WARS2: variants seen among roughly 807,000 people sequenced by gnomAD.
WARS2 encodes the protein tryptophan--tRNA ligase, mitochondrial.
A neutral mutation model predicts 36.5 loss-of-function variants in WARS2; 28 were observed. The observed-to-expected ratio is 0.77, with a 90% confidence interval of 0.57 to 1.05. WARS2 has a LOEUF of 1.05. WARS2 is among the 50% of genes least tolerant of loss of function. WARS2 has a pLI of 0.00. For synonymous variants in WARS2, 174 were observed against 178.4 expected, an observed-to-expected ratio of 0.98 and a Z score of 0.20; for missense variants, 435 against 456.8, an observed-to-expected ratio of 0.95 and a Z score of 0.44.
intron 1 of WARS2, among the ~76,000 whole-genome samples, chr1:119,135,752 A>AGATAGATG (rs1456207473): frequency 2.7e-5 from 3 of 112,476 alleles, no homozygotes; most frequent in Non-Finnish European, 3.8e-5. Context: ...ATAGATAGAT[A>AGATAGATG]GAGAGATAGA....
At chr1:119,137,459 T>C (rs1196209588) in intron 1 of WARS2, among the ~76,000 whole-genome samples, 1 of 152,212 alleles carries the variant, frequency 6.6e-6, no homozygotes, top group African/African-American at 2.4e-5. Context: ...TAATGAAACA[T>C]GTTCAACTGC....
In WARS2 at chr1:119,042,279, T is replaced by A. The variant is rs757604003; in HGVS notation, c.500A>T (p.Asp167Val). ...LLTYPVLQAA[D>V]ILLYKSTHVP... ...CTCTTCTTACTTGTACAACAGAATG[T>A]CGGCTGCCTGGAGTACTGGGTATGT... Residue 167 changes from aspartate (D) to valine (V), a missense_variant, in exon 4 of 6, where the codon GAC becomes GTC. Coordinates refer to ENST00000235521, the MANE Select transcript of WARS2 (RefSeq NM_015836.4). 6.2e-7 allele frequency: 1 copy of A among 1,613,912 alleles called. No individual in the cohort carries two copies. Among genetic ancestry groups the A allele is most frequent in the Non-Finnish European group, 8.5e-7 (1 of 1,179,922 alleles).
chr1:119,093,953 G>A (rs1461764187), intron 1 of WARS2, among the ~76,000 whole-genome samples: 1 of 152,170 alleles, frequency 6.6e-6, no homozygotes, highest in Non-Finnish European at 1.5e-5. Context: ...AAAGTATTCT[G>A]CACGGGTTGT....
At chr1:119,113,647 C>T (rs1036694873) in intron 1 of WARS2, among the ~76,000 whole-genome samples, 70 of 152,036 alleles carry the variant, frequency 4.6e-4, no homozygotes, top group African/African-American at 1.6e-3. Flanking sequence ...ATCATGAGGC[C>T]AGGCACTGTT....
intron 1 of WARS2, chr1:119,085,088 A>AC (rs1652522515): frequency 1.3e-6 from 1 of 762,908 alleles, no homozygotes; most frequent in South Asian, 1.4e-5. Flanking sequence ...CTCAGCTCCT[A>AC]CCTCTACTTC....
intron 2 of WARS2, among the ~76,000 whole-genome samples, chr1:119,067,013 T>C (rs751928626): frequency 3.9e-5 from 6 of 152,044 alleles, no homozygotes; most frequent in Non-Finnish European, 8.8e-5. Context: ...GCCAGGAAAA[T>C]GGATAAACTG....
At chr1:119,051,060 T>A (rs937732681) in intron 2 of WARS2, among the ~76,000 whole-genome samples, 2 of 152,170 alleles carry the variant, frequency 1.3e-5, no homozygotes, top group African/African-American at 4.8e-5. Context: ...GGTTCAGGAG[T>A]ACATGTGCAG....
intron 2 of WARS2, among the ~76,000 whole-genome samples, chr1:119,062,655 CG>C (rs1557952604): frequency 6.6e-6 from 1 of 152,002 alleles, no homozygotes; most frequent in African/African-American, 2.4e-5. Flanking sequence ...CATGGGGACC[CG>C]TGTTTCCCAT....
intron 1 of WARS2, among the ~76,000 whole-genome samples, chr1:119,125,273 A>C (rs942676926): frequency 1.3e-5 from 2 of 152,080 alleles, no homozygotes; most frequent in Non-Finnish European, 2.9e-5. Flanking sequence ...CAGGTCTTCC[A>C]TTAAAAGTCA....
At chr1:119,127,571 C>CA (rs1253501973) in intron 1 of WARS2, among the ~76,000 whole-genome samples, 11 of 152,178 alleles carry the variant, frequency 7.2e-5, no homozygotes, top group African/African-American at 2.7e-4. Flanking sequence ...TGCAAGGAGA[C>CA]AAATTGCAGA....
intron 4 of WARS2, among the ~76,000 whole-genome samples, chr1:119,036,406 G>A (rs1647889580): frequency 6.6e-6 from 1 of 152,158 alleles, no homozygotes; most frequent in Non-Finnish European, 1.5e-5. Flanking sequence ...TCTCTGGGAT[G>A]TACATGCAGA....
chr1:119,068,560 C>T (rs1441261392), intron 2 of WARS2, among the ~76,000 whole-genome samples: 1 of 152,154 alleles, frequency 6.6e-6, no homozygotes, highest in African/African-American at 2.4e-5. Context: ...TATCTGGTGG[C>T]CCCAACTGTC....
At chr1:119,048,306 C>T (rs1343093855) in intron 2 of WARS2, among the ~76,000 whole-genome samples, 1 of 152,198 alleles carries the variant, frequency 6.6e-6, no homozygotes, top group Non-Finnish European at 1.5e-5. Flanking sequence ...GATTTAATCT[C>T]TTTGTGTCTC....
chr1:119,117,375 C>T (rs1655040528), intron 1 of WARS2, among the ~76,000 whole-genome samples: 1 of 152,142 alleles, frequency 6.6e-6, no homozygotes, highest in Admixed American at 6.5e-5. Flanking sequence ...GACATAATCT[C>T]TTGGGAGCTC....
intron 2 of WARS2, chr1:119,063,905 C>A (rs879835555): frequency 1.3e-5 from 2 of 152,222 alleles, no homozygotes; most frequent in Admixed American, 1.3e-4. Flanking sequence ...TTGGAGCCCC[C>A]ACACAGTGTA....
chr1:119,049,255 C>T (rs1649136830), intron 2 of WARS2, among the ~76,000 whole-genome samples: 1 of 152,132 alleles, frequency 6.6e-6, no homozygotes, highest in African/African-American at 2.4e-5. Flanking sequence ...CGGAGGACAA[C>T]CTGGGCCACC....
intron 2 of WARS2, among the ~76,000 whole-genome samples, chr1:119,074,729 T>C (rs892196556): frequency 1.3e-5 from 2 of 152,124 alleles, no homozygotes; most frequent in Non-Finnish European, 1.5e-5. Flanking sequence ...AAACAGCAGA[T>C]TGAAAATATT....
chr1:119,138,330 G>C (rs1318088023), intron 1 of WARS2, among the ~76,000 whole-genome samples: 1 of 152,056 alleles, frequency 6.6e-6, no homozygotes, highest in East Asian at 1.9e-4. Context: ...CTTTTCTAAG[G>C]CCATTTTAAT....
Position 119,131,451 on chromosome 1 carries a change from G to GT in WARS2, c.90+9103dup, listed in dbSNP as rs1433121541. On this transcript the variant is annotated intron_variant, in intron 1 of 5. Transcript: ENST00000235521. The stretch of plus-strand genomic sequence containing the variant: ...GTATTTTGGATCCGGACTGTGCAAA[G>GT]TTTTTTGTTTTTTGTTTTTTTTTTT... 7.3e-4 allele frequency among the ~76,000 whole-genome samples: 92 copies of GT among 126,862 alleles called. 1 individual carries two copies. Among genetic ancestry groups the GT allele is most frequent in the African/African-American group, 1.3e-3 (37 of 29,172 alleles). The allele number at this position is 126,862 out of a possible 152,430, so 83.2% of individuals were successfully genotyped here.
Sources: gnomAD v4.1 joint callset for allele counts (sites outside exome capture counted in the v4.1 genomes callset) on GRCh38, gnomAD v4.1.1 for gene constraint, MANE v1.5 for transcripts, NCBI Gene and HGNC (gene_info 2026-07-23, HGNC 2026-07-21) for gene names.